Variants in TRIM23 observed in about 807,000 individuals in gnomAD.
TRIM23 encodes the protein tripartite motif containing 23.
TRIM23 carries 27 observed loss-of-function variants against 71.0 expected under a neutral mutation model. The ratio of observed to expected loss-of-function variants is 0.38; its 90% CI spans 0.28 to 0.52. TRIM23 has a LOEUF of 0.52. Among genes scored for constraint, TRIM23 ranks in the 20% least tolerant of loss-of-function variants. The pLI is 0.84. For synonymous variants in TRIM23, 234 were observed against 238.0 expected, an observed-to-expected ratio of 0.98 and a Z score of 0.16; for missense variants, 482 against 692.3, an observed-to-expected ratio of 0.70 and a Z score of 3.41.
At chr5:65,616,960 G>A (rs990042767) in intron 2 of TRIM23, among the ~76,000 whole-genome samples, 1 of 152,156 alleles carries the variant, frequency 6.6e-6, no homozygotes, top group African/African-American at 2.4e-5. Context: ...GACTTCAGGT[G>A]ATCCACCCAT....
intron 10 of TRIM23, among the ~76,000 whole-genome samples, chr5:65,592,491 T>C (rs1754070132): frequency 6.6e-6 from 1 of 151,876 alleles, no homozygotes; most frequent in Admixed American, 6.6e-5. Context: ...CCTCCCAAAA[T>C]GCAAGGATTG....
intron 6 of TRIM23, 121 bp from the exon 7 acceptor site, chr5:65,605,166 A>C: frequency 1.1e-6 from 1 of 899,990 alleles, no homozygotes; most frequent in Non-Finnish European, 1.6e-6. Context: ...TTAAATGTAA[A>C]TTTGACAAAA....
At chr5:65,620,079 G>A (rs1039130482) in intron 1 of TRIM23, among the ~76,000 whole-genome samples, 3 of 151,866 alleles carry the variant, frequency 2.0e-5, no homozygotes, top group South Asian at 4.2e-4. Context: ...AATGACACTC[G>A]GTCTCAAAAA....
rs552658825 is a variant in TRIM23, at chr5:65,590,111, G to T, written c.*1658C>A. 5.0e-5 allele frequency: 22 copies of T among 443,698 alleles called. No homozygotes were observed. The highest frequency in any genetic ancestry group is 7.5e-5 in the Non-Finnish European group (18 of 241,288). 27.5% of individuals were successfully genotyped at this position (443,698 alleles called of 1,614,324 possible). On this transcript the variant is annotated 3_prime_UTR_variant, in exon 11 of 11. Transcript: ENST00000231524. ...CATTACAAAGTTTAGCAAAATTAGT[G>T]AAAAGGGAAGCAAGTTCACCTTAGT... is the stretch of plus-strand genomic sequence containing the variant.
chr5:65,612,279 T>G (rs1030797875), intron 3 of TRIM23, among the ~76,000 whole-genome samples: 1 of 152,222 alleles, frequency 6.6e-6, no homozygotes, highest in Non-Finnish European at 1.5e-5. Context: ...AAATATTAGT[T>G]GTCATGATGA....
Position 65,610,952 on chromosome 5 carries a change from T to C in TRIM23, c.737A>G (p.Asp246Gly). 6.2e-7 allele frequency: 1 copy of C among 1,613,948 alleles called. No homozygotes were observed. Among genetic ancestry groups the C allele is most frequent in the Non-Finnish European group, 8.5e-7 (1 of 1,179,940 alleles). The change falls in exon 5 of 11, where the codon GAT becomes GGT. Residue 246 changes from aspartate to glycine, a missense_variant. Asp to Gly is a moderately conservative substitution (Grantham distance 94). Transcript: ENST00000231524. ...AATTCCAACTAATTTTCTGGAATAA[T>C]CTGAGATTTCCTCTGTGAAGGTCCG... ...CIRTFTEEIS[D>G]YSRKLVGIVQ...
Position 65,605,882 on chromosome 5 carries a change from T to G in TRIM23, c.1045-837A>C, listed in dbSNP as rs554964087. ...GGACAAACGCTGAAGTCATTATTGCTTTCTCTTTCCCGCATGCCCTACGTA... is the reference window on the plus strand; with the variant it reads ...GGACAAACGCTGAAGTCATTATTGCGTTCTCTTTCCCGCATGCCCTACGTA... On this transcript the variant is annotated intron_variant, in intron 6 of 10. Transcript: ENST00000231524. Among the ~76,000 whole-genome samples, 7 of 152,318 alleles carry G rather than the reference T, an allele frequency of 4.6e-5. No homozygotes were observed. In the South Asian group the frequency reaches 1.4e-3, roughly 32 times the overall value.
intron 7 of TRIM23, 60 bp from the exon 8 acceptor site, chr5:65,597,240 C>T (rs894912658): frequency 6.5e-7 from 1 of 1,534,558 alleles, no homozygotes; most frequent in African/African-American, 1.4e-5. Flanking sequence ...TAGCATTTAG[C>T]ACCTTTATTA....
chr5:65,608,903 A>C (rs1008835798), intron 6 of TRIM23, among the ~76,000 whole-genome samples: 3 of 151,528 alleles, frequency 2.0e-5, no homozygotes, highest in Non-Finnish European at 4.4e-5. Flanking sequence ...GAGAAGGAAG[A>C]TTTCCACTAT....
At chr5:65,610,475 C>A (rs751091970) in intron 5 of TRIM23, among the ~76,000 whole-genome samples, 1 of 152,216 alleles carries the variant, frequency 6.6e-6, no homozygotes, top group Non-Finnish European at 1.5e-5. Flanking sequence ...ACAATATGTA[C>A]AATCCTCACT....
rs775590243 is a variant in TRIM23 at position 65,594,569 on chromosome 5, C to T, written c.1497G>A (p.Thr499=). 26 of 1,611,470 alleles carry T rather than the reference C, an allele frequency of 1.6e-5. No homozygotes were observed. The South Asian group carries it at 1.9e-4, about 12-fold the overall frequency. The change falls in exon 10 of 11, where the codon ACG becomes ACA. Residue 499 remains threonine (T), a synonymous_variant. Transcript: ENST00000231524. The part of the protein sequence containing the change: ...EAHSELAKLL[T]EKELRDALLL... The stretch of plus-strand genomic sequence containing the variant: ...GCAGAGCATCTCGGAGTTCTTTTTC[C>T]GTTAACAACTTTGCAAGTTCGCTGT...
chr5:65,605,189 C>A, intron 6 of TRIM23, 144 bp from the exon 7 acceptor site: 1 of 737,152 alleles, frequency 1.4e-6, no homozygotes, highest in Non-Finnish European at 2.1e-6. Context: ...AATAATTGAG[C>A]ATTAATAAAT....
At position 65,594,533 on chromosome 5, in the gene TRIM23, A is replaced by G; in HGVS notation, c.1533T>C (p.Phe511=). The G allele has an allele frequency of 6.2e-7, 1 of 1,607,758 alleles. No individual in the cohort carries two copies. Among genetic ancestry groups the G allele is most frequent in the Non-Finnish European group, 8.5e-7 (1 of 1,178,332 alleles). ...AAAAATGCATTACCTGTTTGTTAGC[A>G]AAAATCAGGAGCAGAGCATCTCGGA... is the stretch of plus-strand genomic sequence containing the variant. The part of the protein sequence containing the change: ...KELRDALLLI[F]ANKQDVAGAL... The change falls in exon 10 of 11, where the codon TTT becomes TTC. Residue 511 remains phenylalanine, a synonymous_variant. Transcript: ENST00000231524.
chr5:65,605,018 G>C lies in TRIM23; in HGVS notation c.1072C>G (p.Gln358Glu), dbSNP rs1434931056. Residue 358 changes from glutamine (Q) to glutamate (E), a missense_variant, in exon 7 of 11, where the codon CAG (glutamine) becomes GAG (glutamate). Around this residue, in one of 2 missense-constraint regions of TRIM23, gnomAD observed 307 missense variants for 495.8 expected, o/e 0.62. Coordinates refer to ENST00000231524, the MANE Select transcript of TRIM23 (RefSeq NM_001656.4). ...QDDCRVVLAK[Q>E]EITRLLETLQ... Reference sequence around the variant, plus strand: ...GTTTCCAGTAACCTTGTAATTTCCTGTTTTGCCAAGACAACTCTACAATCA... The same window carrying C: ...GTTTCCAGTAACCTTGTAATTTCCTCTTTTGCCAAGACAACTCTACAATCA... 3 of 1,613,360 alleles carry C rather than the reference G, an allele frequency of 1.9e-6. No individual in the cohort carries two copies. Among genetic ancestry groups the C allele is most frequent in the Admixed American group, 1.7e-5 (1 of 59,956 alleles).
At chr5:65,617,939 T>C (rs1281285566) in intron 2 of TRIM23, among the ~76,000 whole-genome samples, 154 bp downstream of exon 2, 1 of 152,236 alleles carries the variant, frequency 6.6e-6, no homozygotes, top group African/African-American at 2.4e-5. Flanking sequence ...AGTTTATAGC[T>C]TGAAGATTAT....
rs1753975406 is a variant in TRIM23, at chr5:65,590,003, T to A, written c.*1766A>T. ...AGAAAAATATTTCTTTAAAAATGAA[T>A]CACACACAAACACCTACCATTATAC... On this transcript the variant is annotated 3_prime_UTR_variant, in exon 11 of 11. Coordinates refer to ENST00000231524, the MANE Select transcript of TRIM23 (RefSeq NM_001656.4). 3.8e-6 allele frequency: 1 copy of A among 263,502 alleles called. No individual in the cohort carries two copies. 16.3% of individuals were successfully genotyped at this position (263,502 alleles called of 1,614,324 possible).
Position 65,590,593 on chromosome 5 carries a change from C to T in TRIM23, c.*1176G>A. The stretch of plus-strand genomic sequence containing the variant: ...GTACCTATTTAAATAAATCGTGCTT[C>T]CATAATAATATTCTTTAAAAATGAA... On this transcript the variant is annotated 3_prime_UTR_variant, in exon 11 of 11. Transcript: ENST00000231524. The T allele has an allele frequency of 9.8e-7, 1 of 1,015,478 alleles. No homozygotes were observed. Among genetic ancestry groups the T allele is most frequent in the Non-Finnish European group, 1.2e-6 (1 of 841,966 alleles). The allele number at this position is 1,015,478 out of a possible 1,614,324, so 62.9% of individuals were successfully genotyped here. A position where few individuals can be genotyped will look rare whatever the true frequency, so the allele number is the denominator to read the frequency against.
At position 65,618,146 on chromosome 5, in the gene TRIM23, G is replaced by C; in HGVS notation, c.191C>G (p.Pro64Arg). Residue 64 changes from proline to arginine, a missense_variant, in exon 2 of 11, where the codon CCT (proline) becomes CGT (arginine). Coordinates refer to ENST00000231524, the MANE Select transcript of TRIM23 (RefSeq NM_001656.4). ...TVCHDCLTRL[P>R]LHGRAIRCPF... is the part of the protein sequence containing the mutation. ...GCAACGGATTGCTCTTCCATGAAGA[G>C]GTAGGCGAGTGAGACAGTCATGACA... is the stretch of plus-strand genomic sequence containing the variant. 1 of 1,614,054 alleles carries C rather than the reference G, an allele frequency of 6.2e-7. No homozygotes were observed.
intron 6 of TRIM23, 88 bp from the exon 7 acceptor site, chr5:65,605,133 T>C: frequency 1.6e-6 from 2 of 1,268,324 alleles, no homozygotes; most frequent in Non-Finnish European, 2.1e-6. Context: ...ATAAAAGCAG[T>C]TTTAACATTA....
Sources: allele counts gnomAD v4.1 joint callset (sites outside exome capture counted in the v4.1 genomes callset), GRCh38; gene constraint gnomAD v4.1.1; regional missense constraint gnomAD v4.1.1; transcripts MANE v1.5; gene names NCBI Gene and HGNC (gene_info 2026-07-23, HGNC 2026-07-21).